MYRIP: variants seen among roughly 807,000 people sequenced by gnomAD.
MYRIP encodes rab effector MyRIP.
A neutral mutation model predicts 98.0 loss-of-function variants in MYRIP; 49 were observed. The ratio of observed to expected loss-of-function variants is 0.50; its 90% CI spans 0.40 to 0.63. The LOEUF (loss-of-function observed/expected upper bound fraction) is 0.63, where lower values mean the gene tolerates loss of function less well. Among genes scored for constraint, MYRIP ranks in the 30% least tolerant of loss-of-function variants. The pLI is 0.00. For synonymous variants in MYRIP, 404 were observed against 409.5 expected, an observed-to-expected ratio of 0.99 and a Z score of 0.16; for missense variants, 1,004 against 1,058.2, an observed-to-expected ratio of 0.95 and a Z score of 0.71.
At chr3:40,058,869 G>A (rs1947939899) in intron 3 of MYRIP, among the ~76,000 whole-genome samples, 1 of 152,012 alleles carries the variant, frequency 6.6e-6, no homozygotes, top group Non-Finnish European at 1.5e-5. Context: ...GTGCCATGGT[G>A]GTTTGCTGCA....
chr3:40,096,348 A>T (rs1948835734), intron 3 of MYRIP, among the ~76,000 whole-genome samples: 1 of 151,948 alleles, frequency 6.6e-6, no homozygotes, highest in Non-Finnish European at 1.5e-5. Flanking sequence ...GTATTTTCTC[A>T]TGTCTCTCTT....
At position 40,226,536 on chromosome 3, in the gene MYRIP, G is replaced by C. The variant is rs557632650; in HGVS notation, c.1906-7323G>C. 2.8e-4 allele frequency among the ~76,000 whole-genome samples: 42 copies of C among 152,256 alleles called. No individual in the cohort carries two copies. In the South Asian group the frequency reaches 8.7e-3, roughly 32 times the overall value. ...CCCCAGCCCTCAATCTGTTCATGTG[G>C]CAGTCAGAATTACCTTTCTGAAGCA... On this transcript the variant is annotated intron_variant, in intron 11 of 16. Transcript: ENST00000302541.
Position 40,258,379 on chromosome 3 carries a change from T to A in MYRIP, c.*213T>A. On this transcript the variant is annotated 3_prime_UTR_variant, in exon 17 of 17. Transcript: ENST00000302541. ...GTCTTGCCCACTCTCTGCCTTAGGC[T>A]CCCAGGGGAATCCAAGACAGAAAAT... 1 of 513,486 alleles carries A rather than the reference T, an allele frequency of 1.9e-6. No individual in the cohort carries two copies. The highest frequency in any genetic ancestry group is 3.5e-6 in the Non-Finnish European group (1 of 285,698). The allele number at this position is 513,486 out of a possible 1,614,324, so 31.8% of individuals were successfully genotyped here.
intron 11 of MYRIP, among the ~76,000 whole-genome samples, chr3:40,230,200 T>C (rs1226322354): frequency 1.3e-5 from 2 of 152,160 alleles, no homozygotes; most frequent in Non-Finnish European, 2.9e-5. Flanking sequence ...TCCCTTATGA[T>C]TAATATCTGG....
chr3:39,972,049 AC>A (rs1945596883), intron 2 of MYRIP, among the ~76,000 whole-genome samples: 1 of 152,116 alleles, frequency 6.6e-6, no homozygotes, highest in South Asian at 2.1e-4. Context: ...AGCATTAATC[AC>A]CTTAAAACAC....
intron 1 of MYRIP, among the ~76,000 whole-genome samples, chr3:39,870,164 C>T (rs946874801): frequency 6.6e-6 from 1 of 152,160 alleles, no homozygotes; most frequent in Non-Finnish European, 1.5e-5. Flanking sequence ...CCTAATACTG[C>T]AAGCCAGGAA....
chr3:40,230,770 A>G (rs1952629419), intron 11 of MYRIP, among the ~76,000 whole-genome samples: 1 of 152,056 alleles, frequency 6.6e-6, no homozygotes, highest in South Asian at 2.1e-4. Context: ...GACATCAACC[A>G]ATGAAGAGAT....
intron 3 of MYRIP, among the ~76,000 whole-genome samples, chr3:40,134,937 A>G (rs1257301849): frequency 1.3e-5 from 2 of 152,204 alleles, no homozygotes; most frequent in Non-Finnish European, 2.9e-5. Context: ...TGGGGAAAAA[A>G]CAGAGCAGAA....
chr3:40,130,447 G>A (rs891890546), intron 3 of MYRIP, among the ~76,000 whole-genome samples: 1 of 147,968 alleles, frequency 6.8e-6, no homozygotes, highest in African/African-American at 2.5e-5. Flanking sequence ...GCGCAATCTC[G>A]GCTCACTGCA....
chr3:39,999,308 C>T (rs140003100), intron 2 of MYRIP, among the ~76,000 whole-genome samples: 15,377 of 152,182 alleles, frequency 0.1, 1,350 homozygotes, highest in African/African-American at 0.23. Context: ...CCAGAATCTA[C>T]AATGAACTCA....
chr3:39,857,399 A>T (rs1384985344), intron 1 of MYRIP, among the ~76,000 whole-genome samples: 3 of 152,212 alleles, frequency 2.0e-5, no homozygotes, highest in Non-Finnish European at 2.9e-5. Flanking sequence ...CAAAATGAAA[A>T]GTTCAAAGAG....
intron 3 of MYRIP, among the ~76,000 whole-genome samples, chr3:40,093,667 G>A (rs1948770566): frequency 2.0e-5 from 3 of 152,184 alleles, no homozygotes; most frequent in Admixed American, 2.0e-4. Context: ...CTTTACCTGG[G>A]CTCATTCTTG....
At chr3:39,912,567 C>CTATA (rs1944047071) in intron 2 of MYRIP, among the ~76,000 whole-genome samples, 1 of 152,148 alleles carries the variant, frequency 6.6e-6, no homozygotes, top group African/African-American at 2.4e-5. Context: ...TAGTTTTAGA[C>CTATA]TATATAAAAG....
chr3:40,156,326 G>A (rs560311783), intron 4 of MYRIP, among the ~76,000 whole-genome samples: 24 of 152,148 alleles, frequency 1.6e-4, no homozygotes, highest in African/African-American at 5.8e-4. Context: ...TATTTCTGAG[G>A]GCTCTGTTCT....
chr3:40,141,080 C>T (rs1456986398), intron 3 of MYRIP, among the ~76,000 whole-genome samples: 1 of 152,100 alleles, frequency 6.6e-6, no homozygotes, highest in Admixed American at 6.5e-5. Context: ...CCTTCCTAGC[C>T]TCTGGTAACC....
At position 40,212,219 on chromosome 3, in the gene MYRIP, T is replaced by TAC. The variant is rs550188671; in HGVS notation, c.1905+2127_1905+2128insCA. On this transcript the variant is annotated intron_variant, in intron 11 of 16. Transcript: ENST00000302541. ...ACATATATATACGTGTGTGTATATA[T>TAC]ATATATACACACACACACACACACA... Among the ~76,000 whole-genome samples, 382 of 79,464 alleles carry TAC rather than the reference T, an allele frequency of 4.8e-3. 57 individuals are homozygous for TAC. The highest frequency in any genetic ancestry group is 0.012 in the African/African-American group (364 of 29,212). 52.1% of individuals were successfully genotyped at this position (79,464 alleles called of 152,430 possible).
At position 39,891,823 on chromosome 3, in the gene MYRIP, A is replaced by G. The variant is rs540840734; in HGVS notation, c.-30-8964A>G. Among the ~76,000 whole-genome samples the G allele has an allele frequency of 1.8e-3, 277 of 152,054 alleles. 1 individual carries two copies. The highest frequency in any genetic ancestry group is 4.3e-3 in the Admixed American group (66 of 15,258). ...TTTTAATATCCTTTGTCAATTTTTA[A>G]TTGCCATTTTTTGTTATTTTGTAGA... On this transcript the variant is annotated intron_variant, in intron 1 of 16. Transcript: ENST00000302541.
chr3:39,962,271 G>C (rs759585781), intron 2 of MYRIP, among the ~76,000 whole-genome samples: 2 of 152,054 alleles, frequency 1.3e-5, no homozygotes, highest in Non-Finnish European at 2.9e-5. Flanking sequence ...TAATCCCTCA[G>C]TAAGTGTCAG....
At chr3:39,867,999 T>C (rs1278186915) in intron 1 of MYRIP, among the ~76,000 whole-genome samples, 2 of 152,204 alleles carry the variant, frequency 1.3e-5, no homozygotes, top group African/African-American at 4.8e-5. Flanking sequence ...GGAATCCTTC[T>C]CTCTCACTGT....
Sources: allele counts gnomAD v4.1 joint callset (sites outside exome capture counted in the v4.1 genomes callset), GRCh38; gene constraint gnomAD v4.1.1; transcripts MANE v1.5; gene names NCBI Gene and HGNC (gene_info 2026-07-23, HGNC 2026-07-21).